AGBL4: variants seen among roughly 807,000 people sequenced by gnomAD.
The protein encoded by AGBL4 is AGBL carboxypeptidase 4.
A neutral mutation model predicts 66.4 loss-of-function variants in AGBL4; 58 were observed. The observed-to-expected ratio is 0.87, with a 90% CI of 0.71 to 1.09. The LOEUF (loss-of-function observed/expected upper bound fraction) is 1.09. AGBL4 is among the 50% of genes least tolerant of loss of function. The probability of loss-of-function intolerance (pLI) is 0.00; values close to 1 mark genes in which losing one functional copy is unlikely to be tolerated. For synonymous variants in AGBL4, 234 were observed against 222.9 expected (o/e 1.05, Z -0.44); for missense variants, 579 against 631.0 (o/e 0.92, Z 0.88).
intron 3 of AGBL4, among the ~76,000 whole-genome samples, chr1:49,540,038 C>T (rs1216813767): frequency 1.3e-5 from 2 of 151,844 alleles, no homozygotes; most frequent in Non-Finnish European, 2.9e-5. Flanking sequence ...AGCTATGAGC[C>T]CAGAGGGGAA....
chr1:49,226,217 T>TTCATCATTTCC (rs1649897477), intron 4 of AGBL4, among the ~76,000 whole-genome samples: 1 of 152,160 alleles, frequency 6.6e-6, no homozygotes, highest in East Asian at 1.9e-4. Flanking sequence ...CCTTAATGCA[T>TTCATCATTTCC]AGTGAGATCA....
chr1:49,277,119 T>C (rs1213500844), intron 3 of AGBL4, among the ~76,000 whole-genome samples: 2 of 152,224 alleles, frequency 1.3e-5, no homozygotes, highest in Non-Finnish European at 2.9e-5. Context: ...TTGTAGTTTA[T>C]AGTCCCAATA....
At chr1:49,742,933 A>C (rs1650645695) in intron 2 of AGBL4, among the ~76,000 whole-genome samples, 1 of 152,336 alleles carries the variant, frequency 6.6e-6, no homozygotes, top group East Asian at 1.9e-4. Context: ...TGTTAGACCT[A>C]AAACCATAAA....
intron 3 of AGBL4, among the ~76,000 whole-genome samples, chr1:49,607,473 A>G (rs1010924480): frequency 6.6e-6 from 1 of 152,036 alleles, no homozygotes; most frequent in African/African-American, 2.4e-5. Context: ...TGCATACACC[A>G]TTCTCTTTAT....
Position 49,196,383 on chromosome 1 carries a change from C to T in AGBL4, c.377+49387G>A, listed in dbSNP as rs540370979. 3.2e-4 allele frequency among the ~76,000 whole-genome samples: 48 copies of T among 152,224 alleles called. No individual in the cohort carries two copies. In the Middle Eastern group the frequency reaches 0.017, roughly 54 times the overall value. On this transcript the variant is annotated intron_variant, in intron 4 of 13. Transcript: ENST00000371839. ...TTTGTTTGTTTGAATATATCTGTCT[C>T]CTTGGTAAATTTCTCACTCATATTC...
At position 48,590,884 on chromosome 1, in the gene AGBL4, C is replaced by A. The variant is rs201161334; in HGVS notation, c.1053G>T (p.Arg351Ser). ...AGAGGAGCTTGGGAAAAATGGCCTGCCTCTGGAACCGTTCCTCATCCTCAA... is the reference window on the plus strand; with the variant it reads ...AGAGGAGCTTGGGAAAAATGGCCTGACTCTGGAACCGTTCCTCATCCTCAA... ...NIFEDEERFQ[R>S]QAIFPKLLCQ... The change falls in exon 10 of 14, where the codon AGG becomes AGT. Residue 351 changes from arginine (R) to serine (S), a missense_variant. By Grantham distance (110) the Arg-to-Ser change is moderately radical (BLOSUM62 -1). Coordinates refer to ENST00000371839, the MANE Select transcript of AGBL4 (RefSeq NM_032785.4). 4 of 1,607,174 alleles carry A rather than the reference C, an allele frequency of 2.5e-6. No homozygotes were observed. Among genetic ancestry groups the A allele is most frequent in the Non-Finnish European group, 3.4e-6 (4 of 1,176,886 alleles).
intron 2 of AGBL4, among the ~76,000 whole-genome samples, chr1:49,851,020 CCTAAAACTAAGTT>C (rs987997342): frequency 4.6e-5 from 7 of 151,968 alleles, no homozygotes; most frequent in Admixed American, 3.3e-4. Flanking sequence ...CTCTTCTCCC[CCTAAAACTAAGTT>C]CTACTGTAAG....
intron 3 of AGBL4, among the ~76,000 whole-genome samples, chr1:49,439,837 T>C (rs1044144339): frequency 2.0e-5 from 3 of 152,190 alleles, no homozygotes; most frequent in African/African-American, 7.2e-5. Context: ...CCTCAGCTAT[T>C]GTGAGACCTC....
chr1:49,968,707 G>A (rs1374469797), intron 1 of AGBL4, among the ~76,000 whole-genome samples: 2 of 152,196 alleles, frequency 1.3e-5, no homozygotes, highest in African/African-American at 4.8e-5. Flanking sequence ...AAGAGAAAGA[G>A]CAAGCATTCT....
chr1:49,459,010 C>CTCCT lies in AGBL4; in HGVS notation c.283-213150_283-213147dup, dbSNP rs751477076. ...AATCTATGTTCATCAGGGATATTGGCTCCTTCCTTCCTTCCTTCCTCTTTT... is the reference window on the plus strand; with the variant it reads ...AATCTATGTTCATCAGGGATATTGGCTCCTTCCTTCCTTCCTTCCTTCCTCTTTT... On this transcript the variant is annotated intron_variant, in intron 3 of 13. Coordinates refer to ENST00000371839, the MANE Select transcript of AGBL4 (RefSeq NM_032785.4). 3.3e-5 allele frequency among the ~76,000 whole-genome samples: 5 copies of CTCCT among 150,056 alleles called. No individual in the cohort carries two copies. The South Asian group carries it at 6.3e-4, about 19-fold the overall frequency.
intron 3 of AGBL4, among the ~76,000 whole-genome samples, chr1:49,678,987 C>T (rs887850011): frequency 5.3e-5 from 8 of 152,016 alleles, no homozygotes; most frequent in African/African-American, 1.9e-4. Context: ...CTATTGAATG[C>T]CATGGTCATT....
chr1:49,042,736 C>G (rs1316074792), intron 5 of AGBL4, among the ~76,000 whole-genome samples: 1 of 152,094 alleles, frequency 6.6e-6, no homozygotes, highest in African/African-American at 2.4e-5. Flanking sequence ...TACATTTAGA[C>G]TTTTACATTG....
At chr1:48,761,552 G>C in intron 6 of AGBL4, 2 of 1,384,028 alleles carry the variant, frequency 1.4e-6, no homozygotes, top group Non-Finnish European at 1.9e-6. Flanking sequence ...AACCTCAAAT[G>C]CTAGAAAATA....
At chr1:49,945,291 A>T (rs1004391409) in intron 1 of AGBL4, among the ~76,000 whole-genome samples, 2 of 152,104 alleles carry the variant, frequency 1.3e-5, no homozygotes, top group Non-Finnish European at 2.9e-5. Context: ...AAGACAAAGG[A>T]AAGAATTTTA....
chr1:49,760,567 T>C (rs1284402814), intron 2 of AGBL4, among the ~76,000 whole-genome samples: 1 of 152,222 alleles, frequency 6.6e-6, no homozygotes, highest in Non-Finnish European at 1.5e-5. Flanking sequence ...TCTTACATTG[T>C]TGGTGGAAAT....
At chr1:49,035,109 T>C (rs1664532394) in intron 5 of AGBL4, among the ~76,000 whole-genome samples, 1 of 152,100 alleles carries the variant, frequency 6.6e-6, no homozygotes, top group South Asian at 2.1e-4. Flanking sequence ...GTGGAAAAAC[T>C]GGTGAAATCT....
chr1:49,006,441 G>A (rs1296571933), intron 5 of AGBL4, among the ~76,000 whole-genome samples: 1 of 152,184 alleles, frequency 6.6e-6, no homozygotes, highest in East Asian at 1.9e-4. Context: ...GCGGCAGCGA[G>A]GCTGGGGGAG....
chr1:49,696,340 T>C (rs1214313111), intron 3 of AGBL4, among the ~76,000 whole-genome samples: 4 of 152,002 alleles, frequency 2.6e-5, no homozygotes, highest in Non-Finnish European at 5.9e-5. Context: ...AAAAATAGGA[T>C]TCGAAAGTAT....
chr1:49,602,607 C>T (rs1386231190), intron 3 of AGBL4, among the ~76,000 whole-genome samples: 1 of 152,000 alleles, frequency 6.6e-6, no homozygotes, highest in Non-Finnish European at 1.5e-5. Context: ...AAACCAAACA[C>T]CACGTGTTCT....
Sources: allele counts gnomAD v4.1 joint callset (sites outside exome capture counted in the v4.1 genomes callset), GRCh38; gene constraint gnomAD v4.1.1; transcripts MANE v1.5; gene names NCBI Gene and HGNC (gene_info 2026-07-23, HGNC 2026-07-21).